FKTN: variants seen among roughly 807,000 people sequenced by gnomAD.
FKTN encodes ribitol-5-phosphate transferase FKTN.
FKTN carries 47 observed loss-of-function variants against 58.6 expected under a neutral mutation model. The observed-to-expected ratio is 0.80, with a 90% CI of 0.63 to 1.02. FKTN has a LOEUF of 1.02. FKTN is among the 50% of genes least tolerant of loss of function. FKTN has a pLI of 0.00. For synonymous variants in FKTN, 178 were observed against 191.9 expected (o/e 0.93, Z 0.60); for missense variants, 516 against 537.3 (o/e 0.96, Z 0.39).
At chr9:105,581,762 C>A (rs1842969357) in intron 3 of FKTN, among the ~76,000 whole-genome samples, 1 of 152,202 alleles carries the variant, frequency 6.6e-6, no homozygotes, top group African/African-American at 2.4e-5. Context: ...GCCCCTCCCC[C>A]AGCCTCGCTG....
chr9:105,626,116 A>C (rs1022835332), intron 10 of FKTN, among the ~76,000 whole-genome samples: 3 of 152,208 alleles, frequency 2.0e-5, no homozygotes, highest in Non-Finnish European at 4.4e-5. Flanking sequence ...ATATTTATTA[A>C]GTCCACTAAC....
At chr9:105,579,027 T>A (rs1260527086) in intron 3 of FKTN, among the ~76,000 whole-genome samples, 1 of 151,812 alleles carries the variant, frequency 6.6e-6, no homozygotes, top group Non-Finnish European at 1.5e-5. Flanking sequence ...TTTATCGTTT[T>A]TTATTGCGTC....
chr9:105,623,994 G>C (rs1361008225), intron 10 of FKTN, among the ~76,000 whole-genome samples: 5 of 151,984 alleles, frequency 3.3e-5, no homozygotes, highest in Non-Finnish European at 7.4e-5. Context: ...AATTCTGTGG[G>C]CATCTGTATA....
chr9:105,592,059 G>A (rs1216204128), intron 3 of FKTN, among the ~76,000 whole-genome samples: 2 of 152,192 alleles, frequency 1.3e-5, no homozygotes, highest in African/African-American at 4.8e-5. Flanking sequence ...TCCCTCCTAC[G>A]TCTCCAGGCC....
intron 10 of FKTN, among the ~76,000 whole-genome samples, chr9:105,621,725 G>C (rs1831989520): frequency 6.6e-6 from 1 of 152,056 alleles, no homozygotes. Context: ...ACATAGCTAT[G>C]TATCTTGGAA....
chr9:105,594,917 T>A (rs1564268842), intron 3 of FKTN, among the ~76,000 whole-genome samples: 1 of 152,198 alleles, frequency 6.6e-6, no homozygotes, highest in East Asian at 1.9e-4. Context: ...ATATTTCCGA[T>A]TGCATTTTTC....
At chr9:105,593,814 A>C (rs12002533) in intron 3 of FKTN, among the ~76,000 whole-genome samples, 4,038 of 152,310 alleles carry the variant, frequency 0.027, 171 homozygotes, top group African/African-American at 0.091. Flanking sequence ...ATAAGTATTG[A>C]TAATTGACCG....
Position 105,638,394 on chromosome 9 carries a change from A to G in FKTN, c.*3130A>G, listed in dbSNP as rs954615694. ...ATTCTTAGGCAACCTTCATACCTTT[A>G]TCTGGAAAATGCCTTCTCTCCAGAC... On this transcript the variant is annotated 3_prime_UTR_variant, in exon 11 of 11. Coordinates refer to ENST00000357998, the MANE Select transcript of FKTN (RefSeq NM_001079802.2). 6 of 985,252 alleles carry G rather than the reference A, an allele frequency of 6.1e-6. No individual in the cohort carries two copies. The African/African-American group carries it at 1.0e-4, about 17-fold the overall frequency. The allele number at this position is 985,252 out of a possible 1,614,324, so 61.0% of individuals were successfully genotyped here.
Position 105,636,927 on chromosome 9 carries a change from C to G in FKTN, c.*1663C>G, listed in dbSNP as rs1043686649. On this transcript the variant is annotated 3_prime_UTR_variant, in exon 11 of 11. Coordinates refer to ENST00000357998, the MANE Select transcript of FKTN (RefSeq NM_001079802.2). ...ACAGTCTTCTGTCCTAATTTGCATT[C>G]TCAATGCAGAATTATTGGGTCTTTC... 7.5e-6 allele frequency: 8 copies of G among 1,063,086 alleles called. No individual in the cohort carries two copies. Among genetic ancestry groups the G allele is most frequent in the Non-Finnish European group, 8.1e-6 (7 of 864,478 alleles). 65.9% of individuals were successfully genotyped at this position (1,063,086 alleles called of 1,614,324 possible). A position where few individuals can be genotyped will look rare whatever the true frequency, so the allele number is the denominator to read the frequency against.
Position 105,600,026 on chromosome 9 carries a change from T to C in FKTN, c.166-1119T>C, listed in dbSNP as rs543797714. Among the ~76,000 whole-genome samples, 10 of 152,276 alleles carry C rather than the reference T, an allele frequency of 6.6e-5. No individual in the cohort carries two copies. In the East Asian group the frequency reaches 1.5e-3, roughly 24 times the overall value. On this transcript the variant is annotated intron_variant, in intron 4 of 10. Transcript: ENST00000357998. ...AGGGCAATTCAGATTTTGTTTCATC[T>C]TGTGGCAGTTTTGTTAAATTGTATT...
chr9:105,635,728 G>A lies in FKTN; in HGVS notation c.*464G>A, dbSNP rs567934319. On this transcript the variant is annotated 3_prime_UTR_variant, in exon 11 of 11. Coordinates refer to ENST00000357998, the MANE Select transcript of FKTN (RefSeq NM_001079802.2). ...GTATGTTAGTGCTACTTTTAAGATT[G>A]TGGAGTCTGAGTTAATATTCAAGTG... The A allele has an allele frequency of 6.1e-5, 62 of 1,022,944 alleles. No individual in the cohort carries two copies. Among genetic ancestry groups the A allele is most frequent in the Non-Finnish European group, 7.0e-5 (60 of 851,918 alleles). 63.4% of individuals were successfully genotyped at this position (1,022,944 alleles called of 1,614,324 possible). A position where few individuals can be genotyped will look rare whatever the true frequency, so the allele number is the denominator to read the frequency against.
intron 3 of FKTN, among the ~76,000 whole-genome samples, chr9:105,584,313 C>CTGCCTTATT (rs1843536062): frequency 6.6e-6 from 1 of 151,956 alleles, no homozygotes; most frequent in African/African-American, 2.4e-5. Context: ...CCATACCATA[C>CTGCCTTATT]AAACTGCCTT....
chr9:105,573,464 T>C (rs1841130708), intron 1 of FKTN, among the ~76,000 whole-genome samples, 191 bp from the exon 2 acceptor site: 2 of 151,840 alleles, frequency 1.3e-5, no homozygotes, highest in South Asian at 2.1e-4. Flanking sequence ...TCTTTACAAA[T>C]AAATTTTTAA....
At chr9:105,584,128 T>A (rs1347566623) in intron 3 of FKTN, among the ~76,000 whole-genome samples, 1 of 152,164 alleles carries the variant, frequency 6.6e-6, no homozygotes, top group African/African-American at 2.4e-5. Context: ...TGTTTCCTTA[T>A]CTACAAAATG....
intron 2 of FKTN, chr9:105,574,084 G>C (rs962589559): frequency 6.6e-6 from 1 of 152,138 alleles, no homozygotes; most frequent in Non-Finnish European, 1.5e-5. Context: ...GAGATTTGTA[G>C]TTATAGAATA....
intron 8 of FKTN, 67 bp downstream of exon 8, chr9:105,615,474 T>C (rs1830651202): frequency 4.8e-6 from 7 of 1,462,632 alleles, no homozygotes; most frequent in East Asian, 2.3e-5. Context: ...GGATTACTGC[T>C]TGAGATGACA....
At chr9:105,597,524 AG>A (rs1381055319) in intron 4 of FKTN, among the ~76,000 whole-genome samples, 1 of 152,152 alleles carries the variant, frequency 6.6e-6, no homozygotes. Context: ...CTGAGGATAA[AG>A]GTAAGCATGA....
At chr9:105,587,845 TA>T in intron 3 of FKTN, among the ~76,000 whole-genome samples, 1 of 152,310 alleles carries the variant, frequency 6.6e-6, no homozygotes, top group Middle Eastern at 3.4e-3. Flanking sequence ...GATTCACTAA[TA>T]AATCTAAGAA....
chr9:105,562,936 T>G (rs1454620824), intron 1 of FKTN, among the ~76,000 whole-genome samples: 1 of 152,164 alleles, frequency 6.6e-6, no homozygotes, highest in Non-Finnish European at 1.5e-5. Flanking sequence ...AAGTTAGGTG[T>G]CAGGGAAGGT....
Sources: allele counts gnomAD v4.1 joint callset (sites outside exome capture counted in the v4.1 genomes callset), GRCh38; gene constraint gnomAD v4.1.1; transcripts MANE v1.5; gene names NCBI Gene and HGNC (gene_info 2026-07-23, HGNC 2026-07-21).